Variants in POLR1A observed in about 807,000 individuals in gnomAD.
The protein encoded by POLR1A is DNA-directed RNA polymerase I subunit RPA1.
A neutral mutation model predicts 205.3 loss-of-function variants in POLR1A; 84 were observed. The ratio of observed to expected loss-of-function variants is 0.41; its 90% CI spans 0.34 to 0.49. The LOEUF is 0.49. POLR1A is among the 20% of genes least tolerant of loss of function. The pLI is 0.22. For missense variants in POLR1A, 1,645 were observed against 2,204.5 expected, an observed-to-expected ratio of 0.75 and a Z score of 5.08; for synonymous variants, 799 against 863.7, an observed-to-expected ratio of 0.93 and a Z score of 1.31.
At chr2:86,049,379 A>G in intron 16 of POLR1A, 137 bp from the exon 17 acceptor site, 4 of 650,158 alleles carry the variant, frequency 6.2e-6, no homozygotes, top group African/African-American at 3.6e-5. Context: ...TGATATTAAC[A>G]TCATTATTAA....
chr2:86,098,669 C>T lies in POLR1A; in HGVS notation c.374G>A (p.Arg125Lys). The T allele has an allele frequency of 6.2e-7, 1 of 1,613,780 alleles. No homozygotes were observed. ...TTGTAGGGCCCCGACTTCCAGAACCCTCAGCTGGCAGAGTAAGAGGTGAAT... is the reference window on the plus strand; with the variant it reads ...TTGTAGGGCCCCGACTTCCAGAACCTTCAGCTGGCAGAGTAAGAGGTGAAT... ...AVIHLLLCQL[R>K]VLEVGALQAV... Residue 125 changes from arginine (R) to lysine (K), a missense_variant, in exon 3 of 34, where the codon AGG (arginine) becomes AAG (lysine). Physicochemically the swap from Arg to Lys is conservative, Grantham distance 26. Transcript: ENST00000263857.
chr2:86,061,334 C>A (rs190364262), intron 14 of POLR1A, among the ~76,000 whole-genome samples: 1 of 152,290 alleles, frequency 6.6e-6, no homozygotes, highest in African/African-American at 2.4e-5. Flanking sequence ...GTAATCCCAG[C>A]TACTCGAGAG....
rs966667868 is a variant in POLR1A, at chr2:86,020,666, G to A, written c.*6757C>T. 1 of 152,152 alleles carries A rather than the reference G, an allele frequency of 6.6e-6. No individual in the cohort carries two copies. The highest frequency in any genetic ancestry group is 2.4e-5 in the African/African-American group (1 of 41,416). The allele number at this position is 152,152 out of a possible 1,614,324, so 9.4% of individuals were successfully genotyped here. ...ACCCGCATCTATGTGTATGTGGCAG[G>A]GTTTCCTCAACCTCGGCATTATTGA... On this transcript the variant is annotated 3_prime_UTR_variant, in exon 34 of 34. Coordinates refer to ENST00000263857, the MANE Select transcript of POLR1A (RefSeq NM_015425.6).
At chr2:86,037,016 G>A (rs1450599817) in intron 27 of POLR1A, 1 of 152,254 alleles carries the variant, frequency 6.6e-6, no homozygotes, top group Non-Finnish European at 1.5e-5. Flanking sequence ...ACAGAACTGG[G>A]GCAAAACATC....
At chr2:86,102,631 C>G (rs1673842908) in intron 1 of POLR1A, among the ~76,000 whole-genome samples, 2 of 152,302 alleles carry the variant, frequency 1.3e-5, no homozygotes, top group South Asian at 4.1e-4. Flanking sequence ...CACCTGAAGT[C>G]TGGGCATCAC....
rs1251553244 is a variant in POLR1A at position 86,044,454 on chromosome 2, C to T, written c.2970-150G>A. The T allele has an allele frequency of 1.0e-5, 8 of 766,724 alleles. No homozygotes were observed. The East Asian group carries it at 1.4e-4, about 13-fold the overall frequency. 47.5% of individuals were successfully genotyped at this position (766,724 alleles called of 1,614,324 possible). ...TCAGAACAGGCTAGATCCAATGCCCCGGGGTCTGGGCTTGCTCCAGTGTCC... is the reference window on the plus strand; with the variant it reads ...TCAGAACAGGCTAGATCCAATGCCCTGGGGTCTGGGCTTGCTCCAGTGTCC... On this transcript the variant is annotated intron_variant, in intron 21 of 33. Transcript: ENST00000263857.
chr2:86,097,214 C>CA lies in POLR1A; in HGVS notation c.432+1396dup, dbSNP rs757210116. On this transcript the variant is annotated intron_variant, in intron 3 of 33. Transcript: ENST00000263857. Reference sequence around the variant, plus strand: ...CATTAGGATGGCTATCCCCAAAAGACAAAAAAAAAAAAAAAAAAAAAAAAA... The same window carrying CA: ...CATTAGGATGGCTATCCCCAAAAGACAAAAAAAAAAAAAAAAAAAAAAAAAA... Among the ~76,000 whole-genome samples, 22 of 39,682 alleles carry CA rather than the reference C, an allele frequency of 5.5e-4. 2 individuals carry two copies. In the East Asian group the frequency reaches 6.2e-3, roughly 11 times the overall value. The allele number at this position is 39,682 out of a possible 152,430, so 26.0% of individuals were successfully genotyped here.
chr2:86,086,135 T>C (rs1673500716), intron 6 of POLR1A, among the ~76,000 whole-genome samples: 1 of 152,122 alleles, frequency 6.6e-6, no homozygotes, highest in African/African-American at 2.4e-5. Context: ...CTCGGCTCAC[T>C]GCAACCTCCG....
At chr2:86,095,195 G>C (rs1023949263) in intron 3 of POLR1A, among the ~76,000 whole-genome samples, 1 of 152,170 alleles carries the variant, frequency 6.6e-6, no homozygotes, top group African/African-American at 2.4e-5. Context: ...GTCTCTTTGG[G>C]GAATCCCAGC....
In POLR1A at chr2:86,028,170, C is replaced by T. The variant is rs1414233872; in HGVS notation, c.4898-121G>A. ...TTGGGAGTTAGACTCTGGGGCTCCC[C>T]TTCAGCTCCGCCACCTGCTCACGCT... On this transcript the variant is annotated intron_variant, in intron 32 of 33. Transcript: ENST00000263857. The surrounding 1 kb of genome is among the most constrained non-coding windows in gnomAD (Gnocchi z 4.5). 14 of 932,318 alleles carry T rather than the reference C, an allele frequency of 1.5e-5. No individual in the cohort carries two copies. In the Admixed American group the frequency reaches 2.7e-4, roughly 18 times the overall value. 57.8% of individuals were successfully genotyped at this position (932,318 alleles called of 1,614,324 possible).
intron 27 of POLR1A, chr2:86,036,895 T>C (rs929379054): frequency 3.9e-5 from 6 of 152,194 alleles, no homozygotes; most frequent in African/African-American, 1.4e-4. Context: ...TCTTAAAAAG[T>C]GATTTCCTAT....
rs367832335 is a variant in POLR1A at position 86,031,372 on chromosome 2, T to C, written c.4536A>G (p.Ile1512Met). 22 of 1,599,432 alleles carry C rather than the reference T, an allele frequency of 1.4e-5. No homozygotes were observed. Among genetic ancestry groups the C allele is most frequent in the Non-Finnish European group, 1.8e-5 (21 of 1,171,136 alleles). ...VQAVREIHPF[I>M]DDYQYDTEES... Reference sequence around the variant, plus strand: ...CCTCGGTGTCGTACTGGTAGTCATCTATGAACGGGTGGATCTCACGCACAG... The same window carrying C: ...CCTCGGTGTCGTACTGGTAGTCATCCATGAACGGGTGGATCTCACGCACAG... Residue 1512 changes from isoleucine to methionine, a missense_variant, in exon 30 of 34, where the codon ATA (isoleucine) becomes ATG (methionine). Ile to Met is a conservative substitution (Grantham distance 10, BLOSUM62 1). Transcript: ENST00000263857.
intron 14 of POLR1A, among the ~76,000 whole-genome samples, chr2:86,058,336 T>A (rs1387152267): frequency 1.3e-5 from 2 of 151,606 alleles, no homozygotes; most frequent in South Asian, 4.2e-4. Context: ...CCTGATGTCG[T>A]GATCCGGCCG....
intron 3 of POLR1A, among the ~76,000 whole-genome samples, chr2:86,093,207 A>G (rs1026677540): frequency 1.3e-5 from 2 of 152,248 alleles, no homozygotes; most frequent in Admixed American, 1.3e-4. Flanking sequence ...TAATCCGATT[A>G]AAAGCTCAGT....
At chr2:86,042,139 G>C (rs1274705212) in intron 23 of POLR1A, 36 bp from the exon 24 acceptor site, 1 of 1,453,102 alleles carries the variant, frequency 6.9e-7, no homozygotes, top group Non-Finnish European at 9.7e-7. Flanking sequence ...ATGTGGGAGG[G>C]ATACCCAGTA....
rs763339700 is a variant in POLR1A at position 86,098,652 on chromosome 2, C to T, written c.391G>A (p.Ala131Thr). The change falls in exon 3 of 34, where the codon GCC becomes ACC. Residue 131 changes from alanine (A) to threonine (T), a missense_variant. Coordinates refer to ENST00000263857, the MANE Select transcript of POLR1A (RefSeq NM_015425.6). Reference sequence around the variant, plus strand: ...TCAAGCTCGTAGACTGCTTGTAGGGCCCCGACTTCCAGAACCCTCAGCTGG... The same window carrying T: ...TCAAGCTCGTAGACTGCTTGTAGGGTCCCGACTTCCAGAACCCTCAGCTGG... ...LCQLRVLEVG[A>T]LQAVYELERI... is the part of the protein sequence containing the mutation. 4 of 1,613,712 alleles carry T rather than the reference C, an allele frequency of 2.5e-6. No individual in the cohort carries two copies. In the South Asian group the frequency reaches 3.3e-5, roughly 13 times the overall value.
At chr2:86,068,395 G>GC (rs1361806343) in intron 13 of POLR1A, among the ~76,000 whole-genome samples, 3 of 112,644 alleles carry the variant, frequency 2.7e-5, no homozygotes, top group East Asian at 3.3e-4. Flanking sequence ...GCGGGGGGGG[G>GC]GGGCGGGTGT....
At position 86,023,496 on chromosome 2, in the gene POLR1A, G is replaced by C. The variant is rs1690191232; in HGVS notation, c.*3927C>G. On this transcript the variant is annotated 3_prime_UTR_variant, in exon 34 of 34. Transcript: ENST00000263857. ...CTCTCCCCAGGTGCAGAACACTTAA[G>C]GGTCCCAACATCTGATTGAAACACA... 6.6e-6 allele frequency: 1 copy of C among 152,142 alleles called. No individual in the cohort carries two copies. Among genetic ancestry groups the C allele is most frequent in the Non-Finnish European group, 1.5e-5 (1 of 68,042 alleles). 9.4% of individuals were successfully genotyped at this position (152,142 alleles called of 1,614,324 possible).
chr2:86,079,615 G>A (rs1218428370), intron 9 of POLR1A, among the ~76,000 whole-genome samples: 1 of 151,974 alleles, frequency 6.6e-6, no homozygotes, highest in East Asian at 1.9e-4. Flanking sequence ...CAGGCTGGAG[G>A]GCAGTGGTGC....
Sources: allele counts gnomAD v4.1 joint callset (sites outside exome capture counted in the v4.1 genomes callset), GRCh38; gene constraint gnomAD v4.1.1; non-coding constraint Gnocchi (gnomAD v3.1); transcripts MANE v1.5; gene names NCBI Gene and HGNC (gene_info 2026-07-23, HGNC 2026-07-21).